Variants in ZSWIM9 observed in about 807,000 individuals in gnomAD.
ZSWIM9 encodes the protein zinc finger SWIM-type containing 9, also known as uncharacterized protein ZSWIM9.
Under a neutral mutation model 25.0 loss-of-function variants are expected in ZSWIM9, and 11 were observed. The observed-to-expected ratio is 0.44, with a 90% CI of 0.28 to 0.73. The LOEUF (loss-of-function observed/expected upper bound fraction) is 0.73. Among genes scored for constraint, ZSWIM9 ranks in the 30% least tolerant of loss-of-function variants. ZSWIM9 has a pLI of 0.16. For missense variants in ZSWIM9, 1,070 were observed against 1,296.5 expected (o/e 0.83, Z 2.68); for synonymous variants, 562 against 582.1 (o/e 0.97, Z 0.50).
Position 48,171,958 on chromosome 19 carries a change from C to G in ZSWIM9, c.156C>G (p.His52Gln). 6.5e-7 allele frequency: 1 copy of G among 1,535,824 alleles called. No homozygotes were observed. Among genetic ancestry groups the G allele is most frequent in the Non-Finnish European group, 8.7e-7 (1 of 1,146,688 alleles). ...LALFFVKSSM[H>Q]LARCRWASAP... is the part of the protein sequence containing the mutation. Reference sequence around the variant, plus strand: ...TCTTCTTCGTCAAGAGCTCCATGCACCTGGCGCGCTGCCGCTGGGCCAGTG... The same window carrying G: ...TCTTCTTCGTCAAGAGCTCCATGCAGCTGGCGCGCTGCCGCTGGGCCAGTG... The change falls in exon 2 of 4, where the codon CAC (histidine) becomes CAG (glutamine). Residue 52 changes from histidine to glutamine, a missense_variant. His to Gln is a conservative substitution (Grantham distance 24). Transcript: ENST00000614654.
In ZSWIM9 at chr19:48,177,559, A is replaced by C. The variant is rs142194712; in HGVS notation, c.276-4896A>C. The stretch of plus-strand genomic sequence containing the variant: ...AATTGGAAAAATGGCGTGTTGAAGC[A>C]CCAGTAGGTGGTTATGTGAGATTCT... On this transcript the variant is annotated intron_variant, in intron 2 of 3. Transcript: ENST00000614654. Among the ~76,000 whole-genome samples the C allele has an allele frequency of 8.7e-4, 133 of 152,296 alleles. 5 individuals carry two copies. The highest frequency in any genetic ancestry group is 3.4e-3 in the Middle Eastern group (1 of 294).
chr19:48,196,160 A>T lies in ZSWIM9; in HGVS notation c.2096A>T (p.Glu699Val). Residue 699 changes from glutamate to valine, a missense_variant, in exon 4 of 4, where the codon GAG becomes GTG. This residue lies in a region of ZSWIM9 where 583 missense variants were observed against 624.7 expected (regional missense o/e 0.93). Transcript: ENST00000614654. ...AGGAGAGGGCCAGAGATTGCAGAGGAGAGGGGAGCGAGGGTGGGGGTCAAA... is the reference window on the plus strand; with the variant it reads ...AGGAGAGGGCCAGAGATTGCAGAGGTGAGGGGAGCGAGGGTGGGGGTCAAA... ...ERRRGPEIAE[E>V]RGARVGVKRR... is the part of the protein sequence containing the mutation. 1 of 1,234,730 alleles carries T rather than the reference A, an allele frequency of 8.1e-7. No individual in the cohort carries two copies. The highest frequency in any genetic ancestry group is 1.0e-6 in the Non-Finnish European group (1 of 990,374). 76.5% of individuals were successfully genotyped at this position (1,234,730 alleles called of 1,614,324 possible).
Position 48,195,728 on chromosome 19 carries a change from A to G in ZSWIM9, c.1664A>G (p.Glu555Gly). The change falls in exon 4 of 4, where the codon GAG (glutamate) becomes GGG (glycine). Residue 555 changes from glutamate (E) to glycine (G), a missense_variant. By Grantham distance (98) the Glu-to-Gly change is moderately conservative. Around this residue, in one of 4 missense-constraint regions of ZSWIM9, gnomAD observed 583 missense variants for 624.7 expected, o/e 0.93. Coordinates refer to ENST00000614654, the MANE Select transcript of ZSWIM9 (RefSeq NM_199341.4). This position sits in a 1 kb window ranked among gnomAD's most constrained non-coding sequence, Gnocchi z 5.8. ...GAGAAAGGGCACCTGAGAGGGCCAG[A>G]GATTAGAGACTGGAGGGGGCCCCAG... is the stretch of plus-strand genomic sequence containing the variant. ...KLEKGHLRGP[E>G]IRDWRGPQLE... 1.4e-6 allele frequency: 2 copies of G among 1,480,830 alleles called. No individual in the cohort carries two copies. The highest frequency in any genetic ancestry group is 1.8e-6 in the Non-Finnish European group (2 of 1,122,320). 91.7% of individuals were successfully genotyped at this position (1,480,830 alleles called of 1,614,324 possible).
chr19:48,185,440 A>G (rs540303471), intron 3 of ZSWIM9, among the ~76,000 whole-genome samples: 1 of 152,298 alleles, frequency 6.6e-6, no homozygotes, highest in South Asian at 2.1e-4. Context: ...CAGCCCCTTA[A>G]TGCTCTTGAA....
rs868058452 is a variant in ZSWIM9, at chr19:48,171,786, C to T, written c.-9-8C>T. On this transcript the variant is annotated splice_polypyrimidine_tract_variant and splice_region_variant and intron_variant, in intron 1 of 3. Coordinates refer to ENST00000614654, the MANE Select transcript of ZSWIM9 (RefSeq NM_199341.4). The stretch of plus-strand genomic sequence containing the variant: ...TGATATCCACCTGTTCTCCCCTCCT[C>T]CACGCAGGCCCCCAGGATGGAGCGG... 1.3e-6 allele frequency: 2 copies of T among 1,525,600 alleles called. No individual in the cohort carries two copies. The highest frequency in any genetic ancestry group is 1.8e-6 in the Non-Finnish European group (2 of 1,141,918). 94.5% of individuals were successfully genotyped at this position (1,525,600 alleles called of 1,614,324 possible).
At chr19:48,171,292 G>A in intron 1 of ZSWIM9, 3 of 985,194 alleles carry the variant, frequency 3.0e-6, no homozygotes, top group Non-Finnish European at 3.6e-6. Context: ...CCTGGATGTG[G>A]GAGCACATCT....
chr19:48,188,139 G>C lies in ZSWIM9; in HGVS notation c.588+5372G>C, dbSNP rs1225050958. 1.3e-5 allele frequency among the ~76,000 whole-genome samples: 2 copies of C among 152,222 alleles called. 1 individual carries two copies. The highest frequency in any genetic ancestry group is 4.1e-4 in the South Asian group (2 of 4,824). ...GGTTGCTCTCTTGATCTTTGGAGGGGATCAGACAAGAAGGATGCGCCCAAA... is the reference window on the plus strand; with the variant it reads ...GGTTGCTCTCTTGATCTTTGGAGGGCATCAGACAAGAAGGATGCGCCCAAA... On this transcript the variant is annotated intron_variant, in intron 3 of 3. Transcript: ENST00000614654.
intron 3 of ZSWIM9, among the ~76,000 whole-genome samples, chr19:48,185,277 T>C (rs1307588282): frequency 6.6e-6 from 1 of 151,930 alleles, no homozygotes; most frequent in Non-Finnish European, 1.5e-5. Context: ...GTAGCTGGGA[T>C]TACAGGCATG....
chr19:48,172,106 G>A (rs2036834212), intron 2 of ZSWIM9, 29 bp downstream of exon 2: 4 of 1,483,020 alleles, frequency 2.7e-6, no homozygotes, highest in Non-Finnish European at 2.7e-6. Context: ...CTGTCCTGCT[G>A]GGGGGAAGGG....
At chr19:48,178,592 C>CTTT (rs139668926) in intron 2 of ZSWIM9, among the ~76,000 whole-genome samples, 1 of 150,930 alleles carries the variant, frequency 6.6e-6, no homozygotes, top group Admixed American at 6.6e-5. Flanking sequence ...TTTTCTTCTT[C>CTTT]TTGAGACAGA....
At chr19:48,193,339 C>T (rs1599936033) in intron 3 of ZSWIM9, among the ~76,000 whole-genome samples, 4 of 152,320 alleles carry the variant, frequency 2.6e-5, no homozygotes, top group East Asian at 3.9e-4. Context: ...TGCACACCCT[C>T]GCGTGAGTTC....
At chr19:48,177,066 AAAAT>A (rs1337860769) in intron 2 of ZSWIM9, among the ~76,000 whole-genome samples, 1 of 151,672 alleles carries the variant, frequency 6.6e-6, no homozygotes, top group Non-Finnish European at 1.5e-5. Flanking sequence ...CGTCTCCAAA[AAAAT>A]AAATAAATAA....
intron 3 of ZSWIM9, among the ~76,000 whole-genome samples, chr19:48,189,049 A>G (rs1239576111): frequency 2.0e-5 from 3 of 151,932 alleles, no homozygotes; most frequent in Non-Finnish European, 2.9e-5. Context: ...AGAATACTCC[A>G]TGGGAAGCTG....
Position 48,197,288 on chromosome 19 carries a change from A to G in ZSWIM9, c.*461A>G. The G allele has an allele frequency of 1.4e-6, 1 of 702,658 alleles. No homozygotes were observed. The highest frequency in any genetic ancestry group is 2.6e-6 in the Non-Finnish European group (1 of 384,878). 43.5% of individuals were successfully genotyped at this position (702,658 alleles called of 1,614,324 possible). A position where few individuals can be genotyped will look rare whatever the true frequency, so the allele number is the denominator to read the frequency against. ...AGAGGAGGTAAGCGAGAAAAAATGG[A>G]AAGGGGAGCCGGAAATGGAGGAGAG... On this transcript the variant is annotated 3_prime_UTR_variant, in exon 4 of 4. Coordinates refer to ENST00000614654, the MANE Select transcript of ZSWIM9 (RefSeq NM_199341.4).
Position 48,171,983 on chromosome 19 carries a change from G to A in ZSWIM9, c.181G>A (p.Ala61Thr). The A allele has an allele frequency of 6.5e-7, 1 of 1,534,362 alleles. No homozygotes were observed. Among genetic ancestry groups the A allele is most frequent in the Non-Finnish European group, 8.7e-7 (1 of 1,146,160 alleles). Residue 61 changes from alanine (A) to threonine (T), a missense_variant, in exon 2 of 4, where the codon GCG becomes ACG. Physicochemically the swap from Ala to Thr is moderately conservative, Grantham distance 58. Around this residue, in one of 4 missense-constraint regions of ZSWIM9, gnomAD observed 265 missense variants for 339.0 expected, o/e 0.78. Coordinates refer to ENST00000614654, the MANE Select transcript of ZSWIM9 (RefSeq NM_199341.4). ...MHLARCRWAS[A>T]PPLYTLIDVL... ...CCTGGCGCGCTGCCGCTGGGCCAGT[G>A]CGCCCCCGCTCTACACGCTCATCGA...
intron 3 of ZSWIM9, chr19:48,187,559 ATATATAATATTATATATATTATATAT>A (rs1172694206): frequency 2.4e-4 from 6 of 25,100 alleles, no homozygotes; most frequent in Admixed American, 1.8e-3. Flanking sequence ...TATATATATT[ATATATAATATTATATATATTATATAT>A]TATATAATAT....
At chr19:48,179,138 T>C (rs1226950467) in intron 2 of ZSWIM9, among the ~76,000 whole-genome samples, 1 of 152,110 alleles carries the variant, frequency 6.6e-6, no homozygotes, top group Admixed American at 6.6e-5. Flanking sequence ...AAATACACTC[T>C]GATTTTTTTT....
At chr19:48,192,014 A>G (rs1044204985) in intron 3 of ZSWIM9, 11 of 154,804 alleles carry the variant, frequency 7.1e-5, no homozygotes, top group Admixed American at 5.2e-4. Flanking sequence ...CATAGTATCT[A>G]TCTTACAGGG....
At chr19:48,191,237 C>A (rs2037091550) in intron 3 of ZSWIM9, among the ~76,000 whole-genome samples, 1 of 152,058 alleles carries the variant, frequency 6.6e-6, no homozygotes, top group African/African-American at 2.4e-5. Context: ...TGGAGTCTCT[C>A]TCTGTCGCCC....
Sources: gnomAD v4.1 joint callset for allele counts (sites outside exome capture counted in the v4.1 genomes callset) on GRCh38, gnomAD v4.1.1 for gene constraint, gnomAD v4.1.1 regional missense constraint, Gnocchi (gnomAD v3.1) non-coding constraint, MANE v1.5 for transcripts, NCBI Gene and HGNC (gene_info 2026-07-23, HGNC 2026-07-21) for gene names.